PORCN: variants seen among roughly 807,000 people sequenced by gnomAD.
PORCN encodes the protein porcupine O-acyltransferase, also known as protein-serine O-palmitoleoyltransferase porcupine.
PORCN carries 1 observed loss-of-function variant against 43.0 expected under a neutral mutation model. That is an observed-to-expected ratio of 0.02 (90% CI 0.01 to 0.11). The LOEUF is 0.11. Among genes scored for constraint, PORCN ranks in the 10% least tolerant of loss-of-function variants. The pLI, the probability that PORCN is intolerant of heterozygous loss-of-function variation, is 1.00. For missense variants in PORCN, 240 were observed against 392.1 expected (o/e 0.61, Z 3.28); for synonymous variants, 148 against 166.4 (o/e 0.89, Z 0.85).
chrX:48,517,251 C>A lies in PORCN; in HGVS notation c.1242C>A (p.Gly414=), dbSNP rs782771022. 5 of 1,170,311 alleles carry A rather than the reference C, an allele frequency of 4.3e-6. No homozygotes were observed. In the Admixed American group the frequency reaches 1.3e-4, roughly 30 times the overall value. Residue 414 remains glycine, a synonymous_variant, in exon 14 of 15, where the codon GGC becomes GGA. Transcript: ENST00000326194. The part of the protein sequence containing the change: ...ALAIFHLAYL[G]SLFDVDVDDT... ...CCATCTTCCACCTGGCCTACCTGGG[C>A]TCCCTGTTTGATGTCGATGTGGATG...
chrX:48,509,646 C>T, intron 1 of PORCN, 138 bp from the exon 2 acceptor site: 1 of 1,145,589 alleles, frequency 8.7e-7, no homozygotes. Context: ...TGACTTCTCA[C>T]GCCTTCCCCC....
intron 7 of PORCN, among the ~76,000 whole-genome samples, chrX:48,513,882 G>A (rs2061694161): frequency 8.9e-6 from 1 of 112,690 alleles, no homozygotes; most frequent in Non-Finnish European, 1.9e-5. Flanking sequence ...GATGGTGGCT[G>A]GCTTTGGCCG....
chrX:48,509,349 C>A, intron 1 of PORCN: 1 of 279,483 alleles, frequency 3.6e-6, no homozygotes, highest in Non-Finnish European at 6.1e-6. Flanking sequence ...CCTCCCCGTG[C>A]CGCCGCATCC....
intron 1 of PORCN, chrX:48,509,562 CT>C (rs2061659487): frequency 9.1e-7 from 1 of 1,094,283 alleles, no homozygotes; most frequent in Non-Finnish European, 1.2e-6. Context: ...CCTTCATTCA[CT>C]CCAGGTCACA....
chrX:48,514,165 G>C (rs1327591578), intron 8 of PORCN, 24 bp downstream of exon 8: 2 of 1,210,439 alleles, frequency 1.7e-6, no homozygotes, highest in East Asian at 5.9e-5. Context: ...GCGGGGCCCA[G>C]GATGCTGACA....
rs1556974674 is a variant in PORCN, at chrX:48,514,292, G to A, written c.772G>A (p.Val258Met). ...CTCCTTCCACTTCAGCAACTATTTT[G>A]TGGGCTTTCTTTCCGAGGCCACGGC... is the stretch of plus-strand genomic sequence containing the variant. ...AVSFHFSNYF[V>M]GFLSEATATL... The change falls in exon 9 of 15, where the codon GTG becomes ATG. Residue 258 changes from valine (V) to methionine (M), a missense_variant. Transcript: ENST00000326194. 2 of 1,212,107 alleles carry A rather than the reference G, an allele frequency of 1.7e-6. No homozygotes were observed. The highest frequency in any genetic ancestry group is 3.0e-5 in the East Asian group (1 of 33,859).
chrX:48,517,344 CG>C (rs1209132007), intron 14 of PORCN, 51 bp downstream of exon 14: 3 of 892,283 alleles, frequency 3.4e-6, no homozygotes, highest in South Asian at 4.2e-5. Flanking sequence ...CGCTATCTGG[CG>C]GGGGGAAACC....
At chrX:48,518,853 T>C (rs1602083141) in intron 14 of PORCN, among the ~76,000 whole-genome samples, 1 of 109,406 alleles carries the variant, frequency 9.1e-6, no homozygotes, top group Non-Finnish European at 1.9e-5. Context: ...CTCACTCTGT[T>C]ACCCAGGCTA....
chrX:48,511,983 C>G (rs1671950836), intron 4 of PORCN, 48 bp downstream of exon 4: 2 of 1,048,736 alleles, frequency 1.9e-6, no homozygotes, highest in Admixed American at 4.4e-5. Flanking sequence ...TGCCCCACTC[C>G]TCGTCTCCTA....
Position 48,512,415 on chromosome X carries a change from T to G in PORCN, c.463T>G (p.Phe155Val). Reference sequence around the variant, plus strand: ...GGGTACGGTGCCCTCGCCAGTGGAGTTCATGGGCTACCTCTACTTCGTGGG... The same window carrying G: ...GGGTACGGTGCCCTCGCCAGTGGAGGTCATGGGCTACCTCTACTTCGTGGG... ...EVGTVPSPVEFMGYLYFVGTI... is the reference protein window; with the variant it reads ...EVGTVPSPVEVMGYLYFVGTI... Residue 155 changes from phenylalanine (F) to valine (V), a missense_variant, in exon 5 of 15, where the codon TTC (phenylalanine) becomes GTC (valine). Physicochemically the swap from Phe to Val is conservative, Grantham distance 50 (BLOSUM62 -1). Transcript: ENST00000326194. 1 of 1,210,842 alleles carries G rather than the reference T, an allele frequency of 8.3e-7. No individual in the cohort carries two copies. The highest frequency in any genetic ancestry group is 1.1e-6 in the Non-Finnish European group (1 of 895,142).
chrX:48,511,235 CCTCTCTTTCT>C (rs1302618360), intron 2 of PORCN, 50 bp from the exon 3 acceptor site: 2 of 831,480 alleles, frequency 2.4e-6, no homozygotes, highest in Admixed American at 2.2e-5. Context: ...CCTCCCACTC[CCTCTCTTTCT>C]CTCTCTTTCT....
chrX:48,514,848 G>T (rs2061704338), intron 10 of PORCN, among the ~76,000 whole-genome samples: 1 of 111,871 alleles, frequency 8.9e-6, no homozygotes, highest in Non-Finnish European at 1.9e-5. Flanking sequence ...TTTTAAAAAA[G>T]CAGGTAAAGG....
At chrX:48,511,533 G>A (rs1556973897) in intron 3 of PORCN, 46 bp downstream of exon 3, 1 of 1,115,780 alleles carries the variant, frequency 9.0e-7, no homozygotes, top group African/African-American at 1.8e-5. Flanking sequence ...TGAAGTGCAT[G>A]GGTGGGTCCC....
chrX:48,510,725 C>T (rs927857712), intron 2 of PORCN, among the ~76,000 whole-genome samples: 2 of 107,805 alleles, frequency 1.9e-5, no homozygotes, highest in East Asian at 2.9e-4. Context: ...CATCTTGCCA[C>T]GTTAGCTGGC....
intron 6 of PORCN, 40 bp downstream of exon 6, chrX:48,512,759 G>A: frequency 3.3e-6 from 4 of 1,212,246 alleles, no homozygotes; most frequent in Non-Finnish European, 4.5e-6. Flanking sequence ...GCAATGAGGG[G>A]GTTGGGTAGG....
chrX:48,510,108 C>T (rs1443549142), intron 2 of PORCN, 152 bp downstream of exon 2: 3 of 494,263 alleles, frequency 6.1e-6, no homozygotes, highest in African/African-American at 2.3e-5. Flanking sequence ...CCACATCCCA[C>T]CAGGCCAAAC....
chrX:48,512,735 G>A lies in PORCN; in HGVS notation c.686+16G>A, dbSNP rs782172608. ...TCCTTCGCAAGTGAGCACAGCCTTCGAGGCCCCTGCCCAGCAATGAGGGGG... is the reference window on the plus strand; with the variant it reads ...TCCTTCGCAAGTGAGCACAGCCTTCAAGGCCCCTGCCCAGCAATGAGGGGG... On this transcript the variant is annotated intron_variant, in intron 6 of 14. Transcript: ENST00000326194. 2.5e-6 allele frequency: 3 copies of A among 1,211,281 alleles called. No individual in the cohort carries two copies. The highest frequency in any genetic ancestry group is 3.5e-5 in the African/African-American group (2 of 57,624).
At position 48,520,597 on chromosome X, in the gene PORCN, AACACAC is replaced by A. The variant is rs368248747; in HGVS notation, c.*141_*146del. 134 of 484,801 alleles carry A rather than the reference AACACAC, an allele frequency of 2.8e-4. No individual in the cohort carries two copies. Among genetic ancestry groups the A allele is most frequent in the African/African-American group, 2.8e-3 (111 of 40,275 alleles). 40.0% of individuals were successfully genotyped at this position (484,801 alleles called of 1,213,427 possible). A position where few individuals can be genotyped will look rare whatever the true frequency, so the allele number is the denominator to read the frequency against. The stretch of plus-strand genomic sequence containing the variant: ...CTCCATCCTTGACCCCCAACACCTC[AACACAC>A]ACACACACACACACACACAAAATCA... On this transcript the variant is annotated 3_prime_UTR_variant, in exon 15 of 15. Transcript: ENST00000326194.
rs970022461 is a variant in PORCN at position 48,517,116 on chromosome X, C to G, written c.1174-67C>G. The G allele has an allele frequency of 5.7e-6, 5 of 872,910 alleles. No individual in the cohort carries two copies. In the Admixed American group the frequency reaches 1.1e-4, roughly 18 times the overall value. The allele number at this position is 872,910 out of a possible 1,213,427, so 71.9% of individuals were successfully genotyped here. ...GCCCTGTGTGTCCCCTGGGCTCCCCCGTGCAGGAGGAGGTGGGACACAGTG... is the reference window on the plus strand; with the variant it reads ...GCCCTGTGTGTCCCCTGGGCTCCCCGGTGCAGGAGGAGGTGGGACACAGTG... On this transcript the variant is annotated intron_variant, in intron 13 of 14. Coordinates refer to ENST00000326194, the MANE Select transcript of PORCN (RefSeq NM_203475.3).
Sources: gnomAD v4.1 joint callset for allele counts (sites outside exome capture counted in the v4.1 genomes callset) on GRCh38, gnomAD v4.1.1 for gene constraint, MANE v1.5 for transcripts, NCBI Gene and HGNC (gene_info 2026-07-23, HGNC 2026-07-21) for gene names.